The following RFX2 variants were observed in gnomAD, a reference collection of about 807,000 sequenced individuals.
RFX2 encodes the protein regulatory factor X2, also known as DNA-binding protein RFX2.
In RFX2, 20 loss-of-function variants were observed where a neutral mutation model predicts 87.8. The ratio of observed to expected loss-of-function variants is 0.23; its 90% CI spans 0.16 to 0.33. The LOEUF (loss-of-function observed/expected upper bound fraction) is 0.33, where lower values mean the gene tolerates loss of function less well. RFX2 is among the 10% of genes least tolerant of loss of function. The pLI, the probability that RFX2 is intolerant of heterozygous loss-of-function variation, is 1.00. For missense variants in RFX2, 767 were observed against 1,012.3 expected (o/e 0.76, Z 3.29); for synonymous variants, 397 against 431.3 (o/e 0.92, Z 0.98).
chr19:6,087,392 A>G (rs971828998), intron 1 of RFX2, among the ~76,000 whole-genome samples: 3 of 152,208 alleles, frequency 2.0e-5, no homozygotes, highest in African/African-American at 7.2e-5. Flanking sequence ...CCCACAGTCC[A>G]CCAAGCCCAG....
At chr19:5,996,029 G>A (rs951638201) in intron 16 of RFX2, among the ~76,000 whole-genome samples, 5 of 152,252 alleles carry the variant, frequency 3.3e-5, no homozygotes, top group Admixed American at 6.5e-5. Flanking sequence ...CCCAAAGCCC[G>A]GCGTTCACGC....
chr19:6,006,982 C>A (rs781705490), intron 12 of RFX2, 30 bp downstream of exon 12: 2 of 1,609,858 alleles, frequency 1.2e-6, no homozygotes, highest in African/African-American at 1.3e-5. Flanking sequence ...GAGGATGGAG[C>A]AGCGCCGGGC....
At chr19:6,033,279 T>C (rs1315614541) in intron 5 of RFX2, among the ~76,000 whole-genome samples, 1 of 152,170 alleles carries the variant, frequency 6.6e-6, no homozygotes, top group Admixed American at 6.5e-5. Context: ...TCACATACTG[T>C]GATCATTTTG....
At chr19:6,091,308 T>C (rs972571824) in intron 1 of RFX2, among the ~76,000 whole-genome samples, 1 of 152,074 alleles carries the variant, frequency 6.6e-6, no homozygotes, top group African/African-American at 2.4e-5. Flanking sequence ...CTGGGCAACA[T>C]AGTGAGACCT....
intron 16 of RFX2, 26 bp from the exon 17 acceptor site, chr19:5,995,669 G>C (rs754181250): frequency 6.4e-7 from 1 of 1,551,582 alleles, no homozygotes; most frequent in East Asian, 2.4e-5. Flanking sequence ...GGAGTCAGGG[G>C]CGCCTGCAGA....
chr19:6,036,450 C>A lies in RFX2; in HGVS notation c.522+3530G>T, dbSNP rs532425702. On this transcript the variant is annotated intron_variant, in intron 5 of 17. Transcript: ENST00000303657. Reference sequence around the variant, plus strand: ...AGAGAGGACAGCAAGATTCATGGGGCCTCTCTGATGCCAGGGTGACCCCAG... The same window carrying A: ...AGAGAGGACAGCAAGATTCATGGGGACTCTCTGATGCCAGGGTGACCCCAG... 5.9e-5 allele frequency among the ~76,000 whole-genome samples: 9 copies of A among 152,176 alleles called. No homozygotes were observed. In the South Asian group the frequency reaches 1.9e-3, roughly 32 times the overall value.
At chr19:6,014,322 CTCT>C (rs2086696680) in intron 7 of RFX2, among the ~76,000 whole-genome samples, 1 of 152,156 alleles carries the variant, frequency 6.6e-6, no homozygotes, top group East Asian at 1.9e-4. Context: ...CAACCTCCCT[CTCT>C]CCCAGGTTCA....
chr19:6,098,308 A>T (rs1325139927), intron 1 of RFX2, among the ~76,000 whole-genome samples: 2 of 152,196 alleles, frequency 1.3e-5, no homozygotes, highest in African/African-American at 4.8e-5. Flanking sequence ...TACTGGTCTA[A>T]CTAGAAATGT....
chr19:6,040,057 C>T lies in RFX2; in HGVS notation c.445G>A (p.Gly149Arg), dbSNP rs764402806. The T allele has an allele frequency of 1.9e-6, 3 of 1,611,820 alleles. No individual in the cohort carries two copies. The highest frequency in any genetic ancestry group is 8.5e-7 in the Non-Finnish European group (1 of 1,179,488). Residue 149 changes from glycine (G) to arginine (R), a missense_variant, in exon 5 of 18, where the codon GGA becomes AGA. Physicochemically the swap from Gly to Arg is moderately radical, Grantham distance 125. Around this residue, in one of 2 missense-constraint regions of RFX2, gnomAD observed 621 missense variants for 873.0 expected, o/e 0.71. Transcript: ENST00000303657. The surrounding 1 kb of genome is among the most constrained non-coding windows in gnomAD (Gnocchi z 6.1). Reference sequence around the variant, plus strand: ...ATCCCCCCGTGGATGAGATAGGCTCCCGCGCTGGAGACGATGGGGCTCCCC... The same window carrying T: ...ATCCCCCCGTGGATGAGATAGGCTCTCGCGCTGGAGACGATGGGGCTCCCC... Reference protein sequence around the residue: ...VGGSPIVSSAGAYLIHGGMDS... With the variant: ...VGGSPIVSSARAYLIHGGMDS...
In RFX2 at chr19:6,012,303, T is replaced by G. The variant is rs1436659307; in HGVS notation, c.899+683A>C. The G allele has an allele frequency of 6.6e-6, 1 of 152,288 alleles. No individual in the cohort carries two copies. Among genetic ancestry groups the G allele is most frequent in the African/African-American group, 2.4e-5 (1 of 41,462 alleles). The allele number at this position is 152,288 out of a possible 1,614,324, so 9.4% of individuals were successfully genotyped here. ...GGTTATTTGCAGTGTCCTCTCTCTC[T>G]TTACTTCCTAAGCTTTAAAAATTAA... On this transcript the variant is annotated intron_variant, in intron 8 of 17. Transcript: ENST00000303657. This position sits in a 1 kb window ranked among gnomAD's most constrained non-coding sequence, Gnocchi z 4.6.
rs1458841267 is a variant in RFX2 at position 5,999,019 on chromosome 19, G to C, written c.1860-1806C>G. On this transcript the variant is annotated intron_variant, in intron 15 of 17. Coordinates refer to ENST00000303657, the MANE Select transcript of RFX2 (RefSeq NM_000635.4). This position sits in a 1 kb window ranked among gnomAD's most constrained non-coding sequence, Gnocchi z 4.1. ...GACTGGAATCGCAGCACTTTGGGAG[G>C]CTGAGGCAGGTGGATCACCTGAGGT... 6.6e-6 allele frequency among the ~76,000 whole-genome samples: 1 copy of C among 152,236 alleles called. No individual in the cohort carries two copies. Among genetic ancestry groups the C allele is most frequent in the Non-Finnish European group, 1.5e-5 (1 of 68,044 alleles).
At chr19:6,019,055 C>T (rs1228530526) in intron 6 of RFX2, among the ~76,000 whole-genome samples, 1 of 152,076 alleles carries the variant, frequency 6.6e-6, no homozygotes, top group Non-Finnish European at 1.5e-5. Context: ...GCAGTGTCCC[C>T]CACCCCCCCG....
intron 6 of RFX2, among the ~76,000 whole-genome samples, chr19:6,019,475 T>G (rs1355320782): frequency 6.6e-6 from 1 of 150,802 alleles, no homozygotes. Context: ...ATGAATACTA[T>G]GAACCACAAC....
chr19:6,075,524 G>A (rs1055648844), intron 1 of RFX2, among the ~76,000 whole-genome samples: 50 of 152,244 alleles, frequency 3.3e-4, no homozygotes, highest in Admixed American at 2.6e-4. Context: ...TGAAGACAGA[G>A]CCAGCCAGGT....
At chr19:6,090,701 AG>A (rs766285029) in intron 1 of RFX2, among the ~76,000 whole-genome samples, 4 of 152,220 alleles carry the variant, frequency 2.6e-5, no homozygotes, top group African/African-American at 4.8e-5. Context: ...TCCAGGCAAA[AG>A]CTTGTCCACA....
chr19:6,049,888 C>G (rs1447966650), intron 1 of RFX2, among the ~76,000 whole-genome samples: 1 of 152,230 alleles, frequency 6.6e-6, no homozygotes, highest in African/African-American at 2.4e-5. Flanking sequence ...ACCAATGAGT[C>G]TGTGGCTTTT....
intron 1 of RFX2, among the ~76,000 whole-genome samples, chr19:6,106,548 G>A (rs1202569380): frequency 6.6e-6 from 1 of 152,036 alleles, no homozygotes; most frequent in Non-Finnish European, 1.5e-5. Context: ...CCCACTTCGG[G>A]TGAATATTCA....
chr19:6,006,959 G>C, intron 12 of RFX2, 53 bp downstream of exon 12: 1 of 1,590,604 alleles, frequency 6.3e-7, no homozygotes, highest in Non-Finnish European at 8.6e-7. Flanking sequence ...AAAGGACAGA[G>C]GAGGCAGGAA....
intron 1 of RFX2, among the ~76,000 whole-genome samples, chr19:6,100,150 A>G (rs777632877): frequency 2.6e-5 from 4 of 152,214 alleles, no homozygotes; most frequent in Non-Finnish European, 5.9e-5. Context: ...AGTAGAAATG[A>G]CATTCCAGAG....
Sources: allele counts gnomAD v4.1 joint callset (sites outside exome capture counted in the v4.1 genomes callset), GRCh38; gene constraint gnomAD v4.1.1; regional missense constraint gnomAD v4.1.1; non-coding constraint Gnocchi (gnomAD v3.1); transcripts MANE v1.5; gene names NCBI Gene and HGNC (gene_info 2026-07-23, HGNC 2026-07-21).